The following SLC39A11 variants were observed in gnomAD, a reference collection of about 807,000 sequenced individuals.
SLC39A11 encodes zinc transporter ZIP11.
Under a neutral mutation model 36.1 loss-of-function variants are expected in SLC39A11, and 33 were observed. The ratio of observed to expected loss-of-function variants is 0.91; its 90% confidence interval spans 0.69 to 1.22. SLC39A11 has a LOEUF of 1.22. Among genes scored for constraint, SLC39A11 ranks in the 50% most tolerant of loss-of-function variants. The pLI, the probability that SLC39A11 is intolerant of heterozygous loss-of-function variation, is 0.00. For missense variants in SLC39A11, 432 were observed against 430.3 expected (o/e 1.00, Z -0.03); for synonymous variants, 166 against 170.3 (o/e 0.97, Z 0.20).
At chr17:72,980,227 C>A (rs932488444) in intron 4 of SLC39A11, among the ~76,000 whole-genome samples, 7 of 152,136 alleles carry the variant, frequency 4.6e-5, no homozygotes, top group Non-Finnish European at 8.8e-5. Flanking sequence ...TGGCTCAAGA[C>A]AAAATCAATA....
intron 6 of SLC39A11, among the ~76,000 whole-genome samples, chr17:72,845,024 G>A (rs1367043078): frequency 6.6e-6 from 1 of 152,094 alleles, no homozygotes; most frequent in East Asian, 1.9e-4. Context: ...CCCAGGAAGG[G>A]ATCCCTTCTC....
chr17:72,784,203 G>C lies in SLC39A11; in HGVS notation c.602-47484C>G, dbSNP rs1343476814. Reference sequence around the variant, plus strand: ...CTACTAAAAATACAAAAATTAGCTGGGCATGGTGGCGCATGCCTGTAATCC... The same window carrying C: ...CTACTAAAAATACAAAAATTAGCTGCGCATGGTGGCGCATGCCTGTAATCC... On this transcript the variant is annotated intron_variant, in intron 6 of 9. Transcript: ENST00000255559. Among the ~76,000 whole-genome samples, 3 of 152,170 alleles carry C rather than the reference G, an allele frequency of 2.0e-5. No individual in the cohort carries two copies. The East Asian group carries it at 5.8e-4, about 29-fold the overall frequency.
rs75599333 is a variant in SLC39A11 at position 73,025,316 on chromosome 17, G to T, written c.306+6240C>A. ...ATACTGAATACCAAGAGAGGGAGAGGAGGGGGAGGGGAGCACACATCTCCC... is the reference window on the plus strand; with the variant it reads ...ATACTGAATACCAAGAGAGGGAGAGTAGGGGGAGGGGAGCACACATCTCCC... On this transcript the variant is annotated intron_variant, in intron 4 of 9. Transcript: ENST00000255559. 8.5e-3 allele frequency among the ~76,000 whole-genome samples: 1,298 copies of T among 152,284 alleles called. 42 individuals are homozygous for T. Among genetic ancestry groups the T allele is most frequent in the East Asian group, 0.032 (166 of 5,176 alleles).
intron 6 of SLC39A11, among the ~76,000 whole-genome samples, chr17:72,793,899 C>A (rs759969993): frequency 3.3e-5 from 5 of 152,206 alleles, no homozygotes; most frequent in Non-Finnish European, 7.3e-5. Context: ...TCTCCCCCTT[C>A]ACAGCAAGGC....
chr17:73,011,643 C>T (rs1328769855), intron 4 of SLC39A11, among the ~76,000 whole-genome samples: 8 of 146,666 alleles, frequency 5.5e-5, no homozygotes, highest in African/African-American at 2.0e-4. Flanking sequence ...TTTAATTGTA[C>T]CTCTGGTTTT....
chr17:73,078,834 T>C (rs994402427), intron 3 of SLC39A11, among the ~76,000 whole-genome samples: 16 of 152,088 alleles, frequency 1.1e-4, no homozygotes, highest in African/African-American at 3.6e-4. Flanking sequence ...CAGTAGGTCC[T>C]AAATAGAATA....
chr17:72,880,411 C>G (rs905368157), intron 5 of SLC39A11, among the ~76,000 whole-genome samples: 4 of 151,486 alleles, frequency 2.6e-5, no homozygotes, highest in African/African-American at 4.9e-5. Context: ...TCTACTCCCC[C>G]ACAAAAAAAA....
At chr17:73,090,929 C>T (rs1181460059) in intron 1 of SLC39A11, among the ~76,000 whole-genome samples, 4 of 152,156 alleles carry the variant, frequency 2.6e-5, no homozygotes, top group Non-Finnish European at 4.4e-5. Flanking sequence ...CAGTGCCCCT[C>T]GGAGAAGTTT....
chr17:73,067,079 A>G (rs762264217), intron 3 of SLC39A11, among the ~76,000 whole-genome samples: 1 of 152,264 alleles, frequency 6.6e-6, no homozygotes, highest in Non-Finnish European at 1.5e-5. Context: ...AGGTAAATCA[A>G]TAACAGAATG....
intron 3 of SLC39A11, among the ~76,000 whole-genome samples, chr17:73,083,715 GAA>G (rs11328122): frequency 1.1e-4 from 16 of 150,466 alleles, no homozygotes; most frequent in Non-Finnish European, 2.1e-4. Context: ...TTACTAGCAT[GAA>G]AAAAAAAATG....
At chr17:72,882,186 C>G (rs2081225217) in intron 5 of SLC39A11, among the ~76,000 whole-genome samples, 1 of 152,072 alleles carries the variant, frequency 6.6e-6, no homozygotes, top group African/African-American at 2.4e-5. Flanking sequence ...AACCTCATCT[C>G]TACTACAAAT....
rs555432272 is a variant in SLC39A11 at position 72,970,550 on chromosome 17, G to A, written c.307-22675C>T. ...AGAAAACATATAATAAGCCCCATCA[G>A]CTTAAAGCTACACACACAAAAAAAA... On this transcript the variant is annotated intron_variant, in intron 4 of 9. Transcript: ENST00000255559. Among the ~76,000 whole-genome samples, 6 of 151,314 alleles carry A rather than the reference G, an allele frequency of 4.0e-5. No homozygotes were observed. In the South Asian group the frequency reaches 1.2e-3, roughly 31 times the overall value.
chr17:72,892,878 G>A (rs2081828870), intron 5 of SLC39A11, among the ~76,000 whole-genome samples: 2 of 152,204 alleles, frequency 1.3e-5, no homozygotes, highest in Admixed American at 6.5e-5. Flanking sequence ...TGGAGGGAGT[G>A]AGGGAAGGGA....
intron 4 of SLC39A11, among the ~76,000 whole-genome samples, chr17:72,957,103 G>C (rs1165401527): frequency 6.6e-6 from 1 of 152,132 alleles, no homozygotes; most frequent in African/African-American, 2.4e-5. Flanking sequence ...AGACTAGATG[G>C]AGCTCATTCG....
intron 7 of SLC39A11, among the ~76,000 whole-genome samples, chr17:72,711,695 A>G (rs1367950948): frequency 6.6e-6 from 1 of 152,204 alleles, no homozygotes; most frequent in Non-Finnish European, 1.5e-5. Context: ...CGGTGGGGAC[A>G]CAGGAACATT....
At chr17:73,041,543 C>T (rs2059113485) in intron 3 of SLC39A11, among the ~76,000 whole-genome samples, 1 of 152,176 alleles carries the variant, frequency 6.6e-6, no homozygotes, top group Non-Finnish European at 1.5e-5. Context: ...GACCCCCAGC[C>T]CAGCTAAGGG....
At chr17:72,701,398 G>A (rs2072610277) in intron 7 of SLC39A11, among the ~76,000 whole-genome samples, 1 of 152,152 alleles carries the variant, frequency 6.6e-6, no homozygotes, top group South Asian at 2.1e-4. Context: ...GGGCCAGAAA[G>A]AGCTCTTTCA....
chr17:73,064,548 G>C (rs184852511), intron 3 of SLC39A11, among the ~76,000 whole-genome samples: 1 of 152,148 alleles, frequency 6.6e-6, no homozygotes, highest in Non-Finnish European at 1.5e-5. Flanking sequence ...TAGGGCTCCA[G>C]ACTCCCCATC....
intron 5 of SLC39A11, among the ~76,000 whole-genome samples, chr17:72,860,422 T>C (rs1162260706): frequency 6.6e-6 from 1 of 152,242 alleles, no homozygotes; most frequent in African/African-American, 2.4e-5. Flanking sequence ...TACACATGTA[T>C]GTGCCCACAT....
Sources: gnomAD v4.1 joint callset for allele counts (sites outside exome capture counted in the v4.1 genomes callset) on GRCh38, gnomAD v4.1.1 for gene constraint, MANE v1.5 for transcripts, NCBI Gene and HGNC (gene_info 2026-07-23, HGNC 2026-07-21) for gene names.